PTPRG: variants seen among roughly 807,000 people sequenced by gnomAD.
PTPRG encodes receptor-type tyrosine-protein phosphatase gamma.
Under a neutral mutation model 165.3 loss-of-function variants are expected in PTPRG, and 102 were observed. The observed-to-expected ratio is 0.62, with a 90% CI of 0.53 to 0.73. The LOEUF is 0.73. PTPRG is among the 30% of genes least tolerant of loss of function. The pLI, the probability that PTPRG is intolerant of heterozygous loss-of-function variation, is 0.00. For missense variants in PTPRG, 1,866 were observed against 1,861.4 expected (o/e 1.00, Z -0.05); for synonymous variants, 675 against 669.5 (o/e 1.01, Z -0.13).
At chr3:61,858,119 G>A (rs1336083069) in intron 2 of PTPRG, among the ~76,000 whole-genome samples, 3 of 152,130 alleles carry the variant, frequency 2.0e-5, no homozygotes, top group South Asian at 2.1e-4. Context: ...TTGTATTGTG[G>A]GCGTTGGAAT....
intron 1 of PTPRG, among the ~76,000 whole-genome samples, chr3:61,621,803 G>A (rs1488053191): frequency 6.6e-6 from 1 of 152,192 alleles, no homozygotes; most frequent in African/African-American, 2.4e-5. Flanking sequence ...TGGTGGGCAA[G>A]CTGGTAAGTT....
chr3:61,582,290 AT>A (rs1484500033), intron 1 of PTPRG, among the ~76,000 whole-genome samples: 1 of 152,048 alleles, frequency 6.6e-6, no homozygotes, highest in African/African-American at 2.4e-5. Context: ...TTATTTATTA[AT>A]TTTTTGGTGC....
chr3:61,756,180 G>GT, intron 2 of PTPRG, among the ~76,000 whole-genome samples: 1 of 152,320 alleles, frequency 6.6e-6, no homozygotes, highest in Non-Finnish European at 1.5e-5. Flanking sequence ...ATGTGTTATA[G>GT]TGTTTTGTCT....
At chr3:61,620,909 G>A (rs1052282785) in intron 1 of PTPRG, among the ~76,000 whole-genome samples, 4 of 151,980 alleles carry the variant, frequency 2.6e-5, no homozygotes, top group African/African-American at 7.2e-5. Flanking sequence ...GATTACAGGC[G>A]TGAGCCACCG....
At chr3:61,653,794 T>A (rs868512053) in intron 1 of PTPRG, among the ~76,000 whole-genome samples, 43 of 149,926 alleles carry the variant, frequency 2.9e-4, no homozygotes, top group African/African-American at 1.0e-3. Flanking sequence ...GCCTGTGAGA[T>A]TAGAATTCAC....
At chr3:62,164,158 C>G (rs2106720931) in intron 7 of PTPRG, among the ~76,000 whole-genome samples, 1 of 152,286 alleles carries the variant, frequency 6.6e-6, no homozygotes, top group South Asian at 2.1e-4. Flanking sequence ...TTCTGTGGCT[C>G]CAGCCTGATT....
chr3:61,834,697 C>G (rs2036409172), intron 2 of PTPRG, among the ~76,000 whole-genome samples: 1 of 152,100 alleles, frequency 6.6e-6, no homozygotes, highest in South Asian at 2.1e-4. Flanking sequence ...CCTGTAGTCC[C>G]AACTACTCAG....
intron 2 of PTPRG, among the ~76,000 whole-genome samples, chr3:61,798,173 T>C (rs1354338004): frequency 3.9e-5 from 6 of 152,204 alleles, no homozygotes; most frequent in Non-Finnish European, 8.8e-5. Context: ...CCCTGCCCAG[T>C]ATCATGGGGA....
chr3:62,075,720 G>C (rs538819740), intron 4 of PTPRG, among the ~76,000 whole-genome samples: 2 of 152,198 alleles, frequency 1.3e-5, no homozygotes, highest in Admixed American at 6.5e-5. Context: ...GTTTACCTTT[G>C]ACCTATATTT....
chr3:62,252,882 C>T lies in PTPRG; in HGVS notation c.2468-2242C>T, dbSNP rs1701453684. Among the ~76,000 whole-genome samples the T allele has an allele frequency of 6.6e-6, 1 of 152,082 alleles. No individual in the cohort carries two copies. The highest frequency in any genetic ancestry group is 2.4e-5 in the African/African-American group (1 of 41,408). ...GTCCGCCTGTCTGGTACTTTTGTGACATTATTGGTGGTGCCTGGAAACCCA... is the reference window on the plus strand; with the variant it reads ...GTCCGCCTGTCTGGTACTTTTGTGATATTATTGGTGGTGCCTGGAAACCCA... On this transcript the variant is annotated intron_variant, in intron 15 of 29. Coordinates refer to ENST00000474889, the MANE Select transcript of PTPRG (RefSeq NM_002841.4). The surrounding 1 kb of genome is among the most constrained non-coding windows in gnomAD (Gnocchi z 4.6).
chr3:62,241,781 G>A (rs761381580), intron 14 of PTPRG, among the ~76,000 whole-genome samples: 1 of 151,988 alleles, frequency 6.6e-6, no homozygotes, highest in Non-Finnish European at 1.5e-5. Context: ...TAAAATCAAA[G>A]TTATTTCTTG....
At chr3:61,671,968 T>C (rs200026358) in intron 1 of PTPRG, among the ~76,000 whole-genome samples, 148 of 27,502 alleles carry the variant, frequency 5.4e-3, no homozygotes, top group Middle Eastern at 0.016. Context: ...CCAGACGGGG[T>C]GGCTGCTGGG....
rs530898816 is a variant in PTPRG, at chr3:62,295,460, A to G, written c.*2153A>G. On this transcript the variant is annotated 3_prime_UTR_variant, in exon 30 of 30. Coordinates refer to ENST00000474889, the MANE Select transcript of PTPRG (RefSeq NM_002841.4). ...TCCCTTTCTCAGTAATTTTTTCTTA[A>G]TAAAAGTAAACACTGGTTCAAAGAC... 4.6e-5 allele frequency: 7 copies of G among 152,190 alleles called. No homozygotes were observed. In the East Asian group the frequency reaches 1.4e-3, roughly 29 times the overall value. The allele number at this position is 152,190 out of a possible 1,614,324, so 9.4% of individuals were successfully genotyped here. A position where few individuals can be genotyped will look rare whatever the true frequency, so the allele number is the denominator to read the frequency against.
At chr3:62,192,217 T>G (rs1699846755) in intron 9 of PTPRG, among the ~76,000 whole-genome samples, 1 of 151,952 alleles carries the variant, frequency 6.6e-6, no homozygotes, top group African/African-American at 2.4e-5. Flanking sequence ...TTTTATCTCT[T>G]TTCTCAGATA....
Position 62,013,444 on chromosome 3 carries a change from GATAGAAAGTAGCAGGTATGTAC to G in PTPRG, c.519+9949_519+9970del, listed in dbSNP as rs2041471709. On this transcript the variant is annotated intron_variant, in intron 4 of 29. Transcript: ENST00000474889. ...ACGGCGGCAACAAAAAAGGTGAAAG[GATAGAAAGTAGCAGGTATGTAC>G]AGTGAACAAATCTGAAGAACTAATG... Among the ~76,000 whole-genome samples, 3 of 152,136 alleles carry G rather than the reference GATAGAAAGTAGCAGGTATGTAC, an allele frequency of 2.0e-5. No homozygotes were observed. In the South Asian group the frequency reaches 6.2e-4, roughly 32 times the overall value.
intron 1 of PTPRG, among the ~76,000 whole-genome samples, chr3:61,597,767 T>A (rs940251648): frequency 6.6e-6 from 1 of 152,260 alleles, no homozygotes; most frequent in Non-Finnish European, 1.5e-5. Context: ...TGAATCACTT[T>A]ATTTTTGCTA....
chr3:61,883,560 A>G (rs1310333463), intron 2 of PTPRG, among the ~76,000 whole-genome samples: 8 of 152,216 alleles, frequency 5.3e-5, no homozygotes, highest in Admixed American at 3.9e-4. Flanking sequence ...GTAAGAGTCA[A>G]TAAGAATTCC....
intron 25 of PTPRG, 32 bp downstream of exon 25, chr3:62,277,080 C>G: frequency 6.4e-7 from 1 of 1,559,622 alleles, no homozygotes; most frequent in Non-Finnish European, 8.8e-7. Context: ...TAAATAAAGT[C>G]AACTAAACTG....
At chr3:61,580,718 A>T (rs1575515772) in intron 1 of PTPRG, among the ~76,000 whole-genome samples, 1 of 152,208 alleles carries the variant, frequency 6.6e-6, no homozygotes, top group Non-Finnish European at 1.5e-5. Context: ...AGGGAAAAAA[A>T]CCTAACTGGG....
Sources: gnomAD v4.1 joint callset for allele counts (sites outside exome capture counted in the v4.1 genomes callset) on GRCh38, gnomAD v4.1.1 for gene constraint, Gnocchi (gnomAD v3.1) non-coding constraint, MANE v1.5 for transcripts, NCBI Gene and HGNC (gene_info 2026-07-23, HGNC 2026-07-21) for gene names.